The following TSPAN14 variants were observed in gnomAD, a reference collection of about 807,000 sequenced individuals.
The protein encoded by TSPAN14 is tetraspanin-14.
TSPAN14 carries 16 observed loss-of-function variants against 36.6 expected under a neutral mutation model. That is an observed-to-expected ratio of 0.44 (90% CI 0.30 to 0.66). The LOEUF is 0.66. Among genes scored for constraint, TSPAN14 ranks in the 30% least tolerant of loss-of-function variants. TSPAN14 has a pLI of 0.12. For synonymous variants in TSPAN14, 139 were observed against 143.8 expected (o/e 0.97, Z 0.24); for missense variants, 231 against 355.1 (o/e 0.65, Z 2.81).
exon 9 of TSPAN14, chr10:80,520,522 T>A (rs1040894401): frequency 2.1e-6 from 1 of 477,706 alleles, no homozygotes; most frequent in East Asian, 5.6e-5. Context: ...TGCACCCTCT[T>A]CTCACCTCAC....
chr10:80,511,714 CTCTCT>C (rs1840639556), intron 5 of TSPAN14, among the ~76,000 whole-genome samples: 3 of 7,438 alleles, frequency 4.0e-4, no homozygotes, highest in African/African-American at 2.6e-3. Flanking sequence ...GGCAGGTCCT[CTCTCT>C]CTCTCTCTCT....
intron 1 of TSPAN14, among the ~76,000 whole-genome samples, chr10:80,458,952 C>G (rs1845852894): frequency 6.6e-6 from 1 of 151,332 alleles, no homozygotes; most frequent in Non-Finnish European, 1.5e-5. Flanking sequence ...GTTGAGTGAC[C>G]TACACAAGTC....
At chr10:80,497,977 G>C (rs1161910257) in intron 2 of TSPAN14, among the ~76,000 whole-genome samples, 17 of 152,208 alleles carry the variant, frequency 1.1e-4, no homozygotes, top group Non-Finnish European at 2.5e-4. Context: ...TCATAAGGAA[G>C]CCGAGCCCTA....
chr10:80,476,723 TTTTTG>T lies in TSPAN14; in HGVS notation c.-17-12479_-17-12475del, dbSNP rs560537172. ...TTACTGTATTTTTTACTTGTATCAT[TTTTTG>T]TTTTGTTTTGTTTTTTTTTATATTT... On this transcript the variant is annotated intron_variant, in intron 1 of 8. Transcript: ENST00000429989. 3.6e-4 allele frequency among the ~76,000 whole-genome samples: 55 copies of T among 152,260 alleles called. 1 individual carries two copies. The South Asian group carries it at 8.7e-3, about 24-fold the overall frequency.
intron 7 of TSPAN14, chr10:80,515,711 T>TTAG (rs2132066574): frequency 6.1e-6 from 1 of 163,974 alleles, no homozygotes; most frequent in East Asian, 1.7e-4. Context: ...CCCACCGGGG[T>TTAG]TAGCAGTGGA....
chr10:80,507,163 C>A, intron 3 of TSPAN14, 65 bp from the exon 4 acceptor site: 1 of 1,597,720 alleles, frequency 6.3e-7, no homozygotes, highest in Middle Eastern at 1.7e-4. Context: ...ACCTGCATCC[C>A]CCAGGGCAGC....
At chr10:80,468,027 T>C (rs537171310) in intron 1 of TSPAN14, among the ~76,000 whole-genome samples, 1 of 152,322 alleles carries the variant, frequency 6.6e-6, no homozygotes, top group South Asian at 2.1e-4. Flanking sequence ...TCCCCATTCC[T>C]CTTCTTTGGG....
chr10:80,477,139 G>A (rs1258869369), intron 1 of TSPAN14, among the ~76,000 whole-genome samples: 1 of 152,152 alleles, frequency 6.6e-6, no homozygotes, highest in African/African-American at 2.4e-5. Context: ...CTGCTTCTCT[G>A]CCTTCCTCTT....
intron 1 of TSPAN14, among the ~76,000 whole-genome samples, chr10:80,459,800 T>C (rs952758210): frequency 2.6e-5 from 4 of 152,180 alleles, no homozygotes; most frequent in Admixed American, 6.5e-5. Flanking sequence ...CCCCGAGGTC[T>C]GAGTGGTGAT....
intron 1 of TSPAN14, among the ~76,000 whole-genome samples, chr10:80,455,037 C>T (rs529242820): frequency 1.3e-5 from 2 of 152,134 alleles, no homozygotes; most frequent in Non-Finnish European, 2.9e-5. Context: ...AAGCCTGACC[C>T]CTGACCTAGC....
chr10:80,455,337 G>C (rs573500460), intron 1 of TSPAN14, among the ~76,000 whole-genome samples: 257 of 152,272 alleles, frequency 1.7e-3, no homozygotes, highest in Non-Finnish European at 3.0e-3. Flanking sequence ...TCACACACTC[G>C]TTGGCTGTGC....
chr10:80,455,307 C>A (rs921191079), intron 1 of TSPAN14, among the ~76,000 whole-genome samples: 2 of 152,008 alleles, frequency 1.3e-5, no homozygotes, highest in African/African-American at 2.4e-5. Context: ...GGGCGCAGAG[C>A]GGTGGTGAGT....
At chr10:80,465,274 C>T (rs546392036) in intron 1 of TSPAN14, among the ~76,000 whole-genome samples, 10 of 151,826 alleles carry the variant, frequency 6.6e-5, no homozygotes, top group African/African-American at 2.4e-4. Flanking sequence ...CTTTGTGCCT[C>T]AGTGCTCAGC....
rs1198496116 is a variant in TSPAN14 at position 80,517,591 on chromosome 10, C to T, written c.742-314C>T. ...ATTTTTGGTTTAACCCAGGGACAGG[C>T]GTGTCCTGCCCCATGGCTTGTGACA... On this transcript the variant is annotated intron_variant, in intron 8 of 8. Coordinates refer to ENST00000429989, the Ensembl canonical transcript of TSPAN14. 5.3e-5 allele frequency among the ~76,000 whole-genome samples: 8 copies of T among 152,374 alleles called. No individual in the cohort carries two copies. In the South Asian group the frequency reaches 8.3e-4, roughly 16 times the overall value.
intron 1 of TSPAN14, among the ~76,000 whole-genome samples, chr10:80,484,129 C>G (rs118102244): frequency 6.6e-6 from 1 of 150,772 alleles, no homozygotes; most frequent in Non-Finnish European, 1.5e-5. Flanking sequence ...CCTGTGGTCC[C>G]AGCTACTCCA....
intron 1 of TSPAN14, among the ~76,000 whole-genome samples, chr10:80,482,732 CTTTTTTTTTT>C (rs34769982): frequency 2.7e-5 from 3 of 110,548 alleles, no homozygotes; most frequent in East Asian, 4.5e-4. Context: ...TTTTCTTTTC[CTTTTTTTTTT>C]TTTTTTTTTT....
exon 9 of TSPAN14, chr10:80,520,460 C>T (rs1448966839): frequency 3.4e-5 from 15 of 439,070 alleles, no homozygotes; most frequent in Non-Finnish European, 6.4e-5. Flanking sequence ...CCACCTAGCA[C>T]TGGCCTGTCC....
intron 1 of TSPAN14, among the ~76,000 whole-genome samples, chr10:80,481,342 C>T (rs1372740878): frequency 1.3e-5 from 2 of 152,074 alleles, no homozygotes; most frequent in African/African-American, 4.8e-5. Flanking sequence ...TGAAAAAACT[C>T]AGGGTAGATT....
intron 1 of TSPAN14, among the ~76,000 whole-genome samples, chr10:80,463,329 A>G (rs759689150): frequency 4.6e-5 from 7 of 152,346 alleles, no homozygotes; most frequent in African/African-American, 1.4e-4. Context: ...ACAAAAATGT[A>G]TACATGATGA....
Sources: allele counts gnomAD v4.1 joint callset (sites outside exome capture counted in the v4.1 genomes callset), GRCh38; gene constraint gnomAD v4.1.1; transcripts MANE v1.5; gene names NCBI Gene and HGNC (gene_info 2026-07-23, HGNC 2026-07-21).